ATP2A3: variants seen among roughly 807,000 people sequenced by gnomAD.
ATP2A3 encodes sarcoplasmic/endoplasmic reticulum calcium ATPase 3.
ATP2A3 carries 61 observed loss-of-function variants against 106.8 expected under a neutral mutation model. The ratio of observed to expected loss-of-function variants is 0.57; its 90% CI spans 0.46 to 0.71. ATP2A3 has a LOEUF of 0.71. Among genes scored for constraint, ATP2A3 ranks in the 30% least tolerant of loss-of-function variants. The pLI is 0.00. For missense variants in ATP2A3, 1,201 were observed against 1,423.5 expected, an observed-to-expected ratio of 0.84 and a Z score of 2.52; for synonymous variants, 611 against 609.3, an observed-to-expected ratio of 1.00 and a Z score of -0.04.
At position 3,947,525 on chromosome 17, in the gene ATP2A3, G is replaced by A. The variant is rs2054180475; in HGVS notation, c.961C>T (p.Leu321=). Residue 321 remains leucine (L), a synonymous_variant, in exon 8 of 21, where the codon CTG becomes TTG. Transcript: ENST00000397041. This position sits in a 1 kb window ranked among gnomAD's most constrained non-coding sequence, Gnocchi z 7.7. ...LPAVITTCLA[L]GTRRMARKNA... is the part of the protein sequence containing the mutation. ...TTGCGTGCCATGCGCCGCGTGCCCA[G>A]TGCCAGGCATGTAGTGATGACAGCC... is the stretch of plus-strand genomic sequence containing the variant. The A allele has an allele frequency of 6.2e-7, 1 of 1,613,362 alleles. No individual in the cohort carries two copies. The highest frequency in any genetic ancestry group is 1.1e-5 in the South Asian group (1 of 91,082).
rs1199654101 is a variant in ATP2A3 at position 3,925,556 on chromosome 17, A to T, written c.2981-115T>A. ...CTCCCAGGACAGCCCCAGGCTCCCAAGGCCTCCCTTAGTCCAGACCTCAGT... is the reference window on the plus strand; with the variant it reads ...CTCCCAGGACAGCCCCAGGCTCCCATGGCCTCCCTTAGTCCAGACCTCAGT... On this transcript the variant is annotated intron_variant, in intron 20 of 20. Coordinates refer to ENST00000397041, the MANE Select transcript of ATP2A3 (RefSeq NM_005173.4). The surrounding 1 kb of genome is among the most constrained non-coding windows in gnomAD (Gnocchi z 4.2). 1 of 1,337,736 alleles carries T rather than the reference A, an allele frequency of 7.5e-7. No individual in the cohort carries two copies. The highest frequency in any genetic ancestry group is 1.4e-5 in the African/African-American group (1 of 69,064). 82.9% of individuals were successfully genotyped at this position (1,337,736 alleles called of 1,614,324 possible).
intron 14 of ATP2A3, 27 bp downstream of exon 14, chr17:3,940,944 T>A: frequency 3.1e-6 from 5 of 1,613,264 alleles, no homozygotes; most frequent in Non-Finnish European, 4.2e-6. Context: ...CATCACCCCC[T>A]CCTGGGGCTC....
rs749111278 is a variant in ATP2A3 at position 3,929,672 on chromosome 17, A to G, written c.2745-227T>C. Among the ~76,000 whole-genome samples the G allele has an allele frequency of 6.6e-6, 1 of 152,066 alleles. No individual in the cohort carries two copies. The highest frequency in any genetic ancestry group is 1.5e-5 in the Non-Finnish European group (1 of 68,012). On this transcript the variant is annotated intron_variant, in intron 18 of 20. Coordinates refer to ENST00000397041, the MANE Select transcript of ATP2A3 (RefSeq NM_005173.4). This position sits in a 1 kb window ranked among gnomAD's most constrained non-coding sequence, Gnocchi z 4.3. ...AGCCTTCTTTGTCTCCTGGGCCCCA[A>G]TTCCGGTCCCCATGAACTCTCAGAA...
In ATP2A3 at chr17:3,945,154, G is replaced by A; in HGVS notation, c.1096-6C>T. 6.5e-7 allele frequency: 1 copy of A among 1,546,436 alleles called. No homozygotes were observed. The highest frequency in any genetic ancestry group is 8.7e-7 in the Non-Finnish European group (1 of 1,144,984). Reference sequence around the variant, plus strand: ...GCCTCGGCTACCACGAACATCTGGGGAGCGCAGGGGCGTGCTTAGGCGGGC... The same window carrying A: ...GCCTCGGCTACCACGAACATCTGGGAAGCGCAGGGGCGTGCTTAGGCGGGC... On this transcript the variant is annotated splice_region_variant and splice_polypyrimidine_tract_variant and intron_variant, in intron 8 of 20. Coordinates refer to ENST00000397041, the MANE Select transcript of ATP2A3 (RefSeq NM_005173.4).
chr17:3,926,596 GT>G lies in ATP2A3; in HGVS notation c.2981-1156del, dbSNP rs2052719453. On this transcript the variant is annotated intron_variant, in intron 20 of 20. Coordinates refer to ENST00000397041, the MANE Select transcript of ATP2A3 (RefSeq NM_005173.4). This position sits in a 1 kb window ranked among gnomAD's most constrained non-coding sequence, Gnocchi z 4.6. ...TTTTGGGGGAGAGTGGGGGAACAGA[GT>G]TTTGCTCTGTCACCCAGGCTGGAGT... is the stretch of plus-strand genomic sequence containing the variant. Among the ~76,000 whole-genome samples, 1 of 152,186 alleles carries G rather than the reference GT, an allele frequency of 6.6e-6. No individual in the cohort carries two copies. The highest frequency in any genetic ancestry group is 1.5e-5 in the Non-Finnish European group (1 of 68,038).
chr17:3,963,513 C>T (rs1381424997), intron 1 of ATP2A3, among the ~76,000 whole-genome samples: 2 of 152,250 alleles, frequency 1.3e-5, no homozygotes, highest in South Asian at 4.1e-4. Context: ...TGAAGCCTCC[C>T]TCCCTCCCCA....
chr17:3,927,520 GCGGAC>G, intron 20 of ATP2A3: 1 of 985,440 alleles, frequency 1.0e-6, no homozygotes, highest in Non-Finnish European at 1.2e-6. Flanking sequence ...GGATTTCCTG[GCGGAC>G]CGGCCCGGTG....
intron 13 of ATP2A3, 44 bp downstream of exon 13, chr17:3,941,392 T>G (rs745736148): frequency 5.0e-6 from 8 of 1,612,716 alleles, no homozygotes; most frequent in Non-Finnish European, 6.8e-6. Flanking sequence ...ACTTGGCTCC[T>G]GCACCCACCT....
chr17:3,958,869 TACACAC>T (rs1555566985), intron 1 of ATP2A3, among the ~76,000 whole-genome samples: 14 of 77,422 alleles, frequency 1.8e-4, no homozygotes, highest in African/African-American at 5.1e-4. Flanking sequence ...TATATATATA[TACACAC>T]ACACACACAC....
Position 3,941,125 on chromosome 17 carries a change from G to C in ATP2A3, c.1946C>G (p.Ala649Gly). The C allele has an allele frequency of 6.2e-7, 1 of 1,614,060 alleles. No individual in the cohort carries two copies. The change falls in exon 14 of 21, where the codon GCG becomes GGG. Residue 649 changes from alanine to glycine, a missense_variant. Transcript: ENST00000397041. ...LGIFGDTEDV[A>G]GKAYTGREFD... ...CTCGCGGCCCGTGTAGGCCTTGCCC[G>C]CCACGTCTTCCGTGTCCCCAAAGAT...
chr17:3,948,459 G>A lies in ATP2A3; in HGVS notation c.631-604C>T, dbSNP rs921531173. On this transcript the variant is annotated intron_variant, in intron 7 of 20. Coordinates refer to ENST00000397041, the MANE Select transcript of ATP2A3 (RefSeq NM_005173.4). Reference sequence around the variant, plus strand: ...AAATGCATATGCTGTTGGGGCTGGCGAGAAGGCAGGCCCCAGCCTCTCTTC... The same window carrying A: ...AAATGCATATGCTGTTGGGGCTGGCAAGAAGGCAGGCCCCAGCCTCTCTTC... Among the ~76,000 whole-genome samples the A allele has an allele frequency of 2.7e-4, 41 of 152,268 alleles. No homozygotes were observed. The East Asian group carries it at 7.0e-3, about 26-fold the overall frequency.
In ATP2A3 at chr17:3,953,178, T is replaced by G. The variant is rs2054553626; in HGVS notation, c.219+169A>C. 4 of 749,464 alleles carry G rather than the reference T, an allele frequency of 5.3e-6. No homozygotes were observed. The highest frequency in any genetic ancestry group is 9.3e-6 in the Non-Finnish European group (4 of 429,118). 46.4% of individuals were successfully genotyped at this position (749,464 alleles called of 1,614,324 possible). ...GACCCAATGTAGGGGCCATGAGGGT[T>G]CAGGCAAGGGAAGCTGAAGTCTGAG... On this transcript the variant is annotated intron_variant, in intron 3 of 20. Coordinates refer to ENST00000397041, the MANE Select transcript of ATP2A3 (RefSeq NM_005173.4). This position sits in a 1 kb window ranked among gnomAD's most constrained non-coding sequence, Gnocchi z 5.1.
At chr17:3,943,286 A>G in intron 11 of ATP2A3, 105 bp downstream of exon 11, 3 of 1,484,954 alleles carry the variant, frequency 2.0e-6, no homozygotes, top group East Asian at 2.3e-5. Context: ...AAAAAAAAAA[A>G]CAAAACGAAA....
rs2052873003 is a variant in ATP2A3, at chr17:3,928,873, G to GTGA, written c.2863-94_2863-93insTCA. On this transcript the variant is annotated intron_variant, in intron 19 of 20. Coordinates refer to ENST00000397041, the MANE Select transcript of ATP2A3 (RefSeq NM_005173.4). This position sits in a 1 kb window ranked among gnomAD's most constrained non-coding sequence, Gnocchi z 6.1. Reference sequence around the variant, plus strand: ...TGGCCTTATCCACCTGGGCTCTGATGGACTCTTCATGAGCGCTCCTAAGAA... The same window carrying GTGA: ...TGGCCTTATCCACCTGGGCTCTGATGTGAGACTCTTCATGAGCGCTCCTAAGAA... 1.0e-6 allele frequency: 1 copy of GTGA among 994,820 alleles called. No individual in the cohort carries two copies. Among genetic ancestry groups the GTGA allele is most frequent in the African/African-American group, 1.6e-5 (1 of 62,452 alleles). 61.6% of individuals were successfully genotyped at this position (994,820 alleles called of 1,614,324 possible). A position where few individuals can be genotyped will look rare whatever the true frequency, so the allele number is the denominator to read the frequency against.
At chr17:3,960,432 GCAGGCT>G (rs2055074037) in intron 1 of ATP2A3, among the ~76,000 whole-genome samples, 1 of 152,254 alleles carries the variant, frequency 6.6e-6, no homozygotes, top group South Asian at 2.1e-4. Flanking sequence ...GCCCGGGAAG[GCAGGCT>G]TCTGCCCGGC....
At chr17:3,937,343 A>G in intron 15 of ATP2A3, 73 bp downstream of exon 15, 1 of 1,514,574 alleles carries the variant, frequency 6.6e-7, no homozygotes, top group Non-Finnish European at 9.0e-7. Flanking sequence ...GCATCCGAGG[A>G]ACAGGCGTTT....
chr17:3,956,213 T>TGAA (rs1337052837), intron 1 of ATP2A3, among the ~76,000 whole-genome samples: 1 of 152,172 alleles, frequency 6.6e-6, no homozygotes, highest in Non-Finnish European at 1.5e-5. Context: ...TCTACCTGGA[T>TGAA]CATCTCCCCT....
intron 1 of ATP2A3, among the ~76,000 whole-genome samples, chr17:3,962,567 C>T (rs899500037): frequency 6.6e-6 from 1 of 152,202 alleles, no homozygotes; most frequent in African/African-American, 2.4e-5. Context: ...GCCAAGCCCA[C>T]AGCCTTCCCC....
In ATP2A3 at chr17:3,962,690, G is replaced by A. The variant is rs1467970440; in HGVS notation, c.118+1484C>T. On this transcript the variant is annotated intron_variant, in intron 1 of 20. Transcript: ENST00000397041. ...CTCCCAGTCAGTTCCTCCTCCGCTG[G>A]ACCAATGAAGACATGATATCAGAAT... Among the ~76,000 whole-genome samples, 8 of 148,844 alleles carry A rather than the reference G, an allele frequency of 5.4e-5. No homozygotes were observed. In the Admixed American group the frequency reaches 5.4e-4, roughly 10 times the overall value.
Sources: gnomAD v4.1 joint callset for allele counts (sites outside exome capture counted in the v4.1 genomes callset) on GRCh38, gnomAD v4.1.1 for gene constraint, Gnocchi (gnomAD v3.1) non-coding constraint, MANE v1.5 for transcripts, NCBI Gene and HGNC (gene_info 2026-07-23, HGNC 2026-07-21) for gene names.